Variants in HIBCH observed in about 807,000 individuals in gnomAD.
The protein encoded by HIBCH is 3-hydroxyisobutyryl-CoA hydrolase, mitochondrial.
HIBCH carries 50 observed loss-of-function variants against 58.2 expected under a neutral mutation model. The ratio of observed to expected loss-of-function variants is 0.86; its 90% CI spans 0.68 to 1.09. HIBCH has a LOEUF of 1.09. HIBCH is among the 50% of genes least tolerant of loss of function. HIBCH has a pLI of 0.00. For synonymous variants in HIBCH, 151 were observed against 146.9 expected, an observed-to-expected ratio of 1.03 and a Z score of -0.20; for missense variants, 450 against 449.7, an observed-to-expected ratio of 1.00 and a Z score of -0.01.
chr2:190,203,339 C>T (rs976963420), downstream of HIBCH: 3 of 167,002 alleles, frequency 1.8e-5, no homozygotes, highest in East Asian at 1.9e-4. Context: ...AGAAGCACTA[C>T]CTGCATCTTA....
chr2:190,238,036 G>A (rs146625705), intron 11 of HIBCH, among the ~76,000 whole-genome samples: 59 of 152,252 alleles, frequency 3.9e-4, no homozygotes, highest in Non-Finnish European at 6.9e-4. Context: ...ATTCCATGGC[G>A]TATATATGCC....
At chr2:190,190,574 T>C (rs936082120) in intron 1 of HIBCH, among the ~76,000 whole-genome samples, 4 of 150,944 alleles carry the variant, frequency 2.6e-5, no homozygotes, top group African/African-American at 9.7e-5. Context: ...TATCTAGAAA[T>C]GAAATGGCTG....
intron 1 of HIBCH, among the ~76,000 whole-genome samples, chr2:190,314,319 A>ACGTATATATATACGTATATATG (rs1358187997): frequency 4.6e-4 from 5 of 10,820 alleles, no homozygotes; most frequent in Admixed American, 1.6e-3. Flanking sequence ...GTGTATATAT[A>ACGTATATATATACGTATATATG]TGTATATATG....
intron 11 of HIBCH, among the ~76,000 whole-genome samples, chr2:190,229,691 C>T (rs910231408): frequency 7.2e-5 from 11 of 152,076 alleles, no homozygotes; most frequent in Admixed American, 6.6e-4. Flanking sequence ...ACTTGCAAGG[C>T]ACAAGAGAAA....
intron 1 of HIBCH, among the ~76,000 whole-genome samples, chr2:190,191,804 A>AAAC (rs1432572509): frequency 6.6e-6 from 1 of 152,200 alleles, no homozygotes; most frequent in African/African-American, 2.4e-5. Flanking sequence ...CTCGTTTTCT[A>AAAC]AACTGGGTTG....
downstream of HIBCH, chr2:190,203,610 T>C (rs1206469797): frequency 2.6e-5 from 4 of 152,462 alleles, no homozygotes; most frequent in South Asian, 4.1e-4. Flanking sequence ...AATCCATTTA[T>C]ACAAATAATT....
At chr2:190,247,307 C>T (rs564665720) in intron 9 of HIBCH, among the ~76,000 whole-genome samples, 8 of 152,294 alleles carry the variant, frequency 5.3e-5, no homozygotes, top group Admixed American at 5.2e-4. Context: ...AACTCCTATA[C>T]ATTTAGTAGA....
At chr2:190,294,022 G>GTGTGTA (rs755751586) in intron 4 of HIBCH, among the ~76,000 whole-genome samples, 145 of 83,016 alleles carry the variant, frequency 1.7e-3, no homozygotes, top group Middle Eastern at 0.014. Context: ...TATTTTGTGT[G>GTGTGTA]TATATATATA....
chr2:190,238,370 G>A (rs1176410966), intron 11 of HIBCH, among the ~76,000 whole-genome samples: 1 of 152,108 alleles, frequency 6.6e-6, no homozygotes, highest in Non-Finnish European at 1.5e-5. Flanking sequence ...CATTCTAACT[G>A]GTGTGAGATA....
chr2:190,207,989 G>A lies in HIBCH; in HGVS notation c.1045+891C>T, dbSNP rs546866784. On this transcript the variant is annotated intron_variant, in intron 13 of 13. Coordinates refer to ENST00000359678, the MANE Select transcript of HIBCH (RefSeq NM_014362.4). The surrounding 1 kb of genome is among the most constrained non-coding windows in gnomAD (Gnocchi z 4.5). ...TAGATATGCAAAATACATGCAGAGG[G>A]AACAACTCATTTTATACAACATAAA... Among the ~76,000 whole-genome samples the A allele has an allele frequency of 1.3e-5, 2 of 152,224 alleles. No individual in the cohort carries two copies. The highest frequency in any genetic ancestry group is 2.1e-4 in the South Asian group (1 of 4,818).
At chr2:190,191,919 A>G (rs953413742) in intron 1 of HIBCH, among the ~76,000 whole-genome samples, 4 of 150,284 alleles carry the variant, frequency 2.7e-5, no homozygotes, top group African/African-American at 9.8e-5. Flanking sequence ...TTTTTTTTCA[A>G]TCTTTTAACT....
chr2:190,271,014 ATAT>A (rs199950757), intron 6 of HIBCH, among the ~76,000 whole-genome samples: 1,992 of 152,160 alleles, frequency 0.013, 29 homozygotes, highest in Middle Eastern at 0.044. Context: ...ACTTATTTAC[ATAT>A]TATTATTAAT....
At chr2:190,276,285 C>A (rs181646077) in intron 6 of HIBCH, among the ~76,000 whole-genome samples, 3 of 152,098 alleles carry the variant, frequency 2.0e-5, no homozygotes, top group Admixed American at 6.6e-5. Flanking sequence ...TATGTAAATG[C>A]CCCTACTTAC....
chr2:190,224,075 C>T (rs142041813), intron 11 of HIBCH, among the ~76,000 whole-genome samples: 16 of 152,302 alleles, frequency 1.1e-4, no homozygotes, highest in South Asian at 2.1e-4. Flanking sequence ...ACTTTTCCAA[C>T]GGTCTTAGCA....
intron 11 of HIBCH, among the ~76,000 whole-genome samples, chr2:190,218,134 G>C (rs959936049): frequency 2.1e-5 from 3 of 142,182 alleles, no homozygotes; most frequent in African/African-American, 7.9e-5. Context: ...GTCTTACCTT[G>C]TGGGAATTTA....
chr2:190,296,383 G>A (rs866081804), intron 3 of HIBCH, among the ~76,000 whole-genome samples: 2 of 148,810 alleles, frequency 1.3e-5, no homozygotes, highest in African/African-American at 2.5e-5. Flanking sequence ...TGGTGCCACT[G>A]CACTCCAGCC....
intron 11 of HIBCH, among the ~76,000 whole-genome samples, chr2:190,221,110 C>T (rs977522531): frequency 3.3e-5 from 5 of 152,140 alleles, no homozygotes; most frequent in African/African-American, 4.8e-5. Flanking sequence ...CAAACACACA[C>T]AAATAGGAAG....
intron 9 of HIBCH, among the ~76,000 whole-genome samples, chr2:190,248,161 C>T (rs1047845984): frequency 1.3e-5 from 2 of 152,058 alleles, no homozygotes; most frequent in South Asian, 2.1e-4. Context: ...CCTTCCAGTG[C>T]CTTTGTTGTT....
chr2:190,194,477 T>TACACACACACACACACACAC (rs3083429), intron 1 of HIBCH, among the ~76,000 whole-genome samples: 4 of 141,370 alleles, frequency 2.8e-5, no homozygotes, highest in Non-Finnish European at 6.2e-5. Flanking sequence ...ATCCTGTGTA[T>TACACACACACACACACACAC]ACACACACAC....
Sources: allele counts gnomAD v4.1 joint callset (sites outside exome capture counted in the v4.1 genomes callset), GRCh38; gene constraint gnomAD v4.1.1; non-coding constraint Gnocchi (gnomAD v3.1); transcripts MANE v1.5; gene names NCBI Gene and HGNC (gene_info 2026-07-23, HGNC 2026-07-21).